CPEB4: variants seen among roughly 807,000 people sequenced by gnomAD.
The protein encoded by CPEB4 is cytoplasmic polyadenylation element-binding protein 4.
Under a neutral mutation model 72.5 loss-of-function variants are expected in CPEB4, and 12 were observed. The ratio of observed to expected loss-of-function variants is 0.17; its 90% CI spans 0.11 to 0.27. CPEB4 has a LOEUF of 0.27. Among genes scored for constraint, CPEB4 ranks in the 10% least tolerant of loss-of-function variants. The pLI is 1.00. For synonymous variants in CPEB4, 302 were observed against 326.3 expected (o/e 0.93, Z 0.80); for missense variants, 614 against 908.5 (o/e 0.68, Z 4.17).
chr5:173,959,525 A>C lies in CPEB4; in HGVS notation c.*3388A>C, dbSNP rs1758483226. The C allele has an allele frequency of 6.5e-6, 1 of 152,782 alleles. No homozygotes were observed. The highest frequency in any genetic ancestry group is 2.4e-5 in the African/African-American group (1 of 41,458). The allele number at this position is 152,782 out of a possible 1,614,324, so 9.5% of individuals were successfully genotyped here. Reference sequence around the variant, plus strand: ...TGATGAATTGTGGCAAGTTAACTTCAAGTTATGTGCAATACTTATTTCAAA... The same window carrying C: ...TGATGAATTGTGGCAAGTTAACTTCCAGTTATGTGCAATACTTATTTCAAA... On this transcript the variant is annotated 3_prime_UTR_variant, in exon 10 of 10. Coordinates refer to ENST00000265085, the MANE Select transcript of CPEB4 (RefSeq NM_030627.4).
At chr5:173,918,699 A>G (rs1378231494) in intron 2 of CPEB4, among the ~76,000 whole-genome samples, 3 of 152,214 alleles carry the variant, frequency 2.0e-5, no homozygotes, top group Non-Finnish European at 2.9e-5. Flanking sequence ...TAGTCAATCG[A>G]AAATAGTGAT....
At chr5:173,915,885 G>GT in intron 2 of CPEB4, among the ~76,000 whole-genome samples, 1 of 152,282 alleles carries the variant, frequency 6.6e-6, no homozygotes, top group Non-Finnish European at 1.5e-5. Context: ...AGATTCATGA[G>GT]TTAGTATTAT....
intron 1 of CPEB4, among the ~76,000 whole-genome samples, chr5:173,897,297 T>G (rs571055919): frequency 6.6e-6 from 1 of 152,360 alleles, no homozygotes; most frequent in South Asian, 2.1e-4. Flanking sequence ...AACATGTGAT[T>G]GCTTTTGCAT....
At chr5:173,953,005 C>A in intron 8 of CPEB4, 86 bp from the exon 9 acceptor site, 1 of 1,021,822 alleles carries the variant, frequency 9.8e-7, no homozygotes, top group Non-Finnish European at 1.5e-6. Context: ...GCTCAGAGTA[C>A]AGATGAATTG....
At chr5:173,951,084 C>T (rs1348586691) in intron 7 of CPEB4, among the ~76,000 whole-genome samples, 4 of 152,114 alleles carry the variant, frequency 2.6e-5, no homozygotes, top group African/African-American at 9.7e-5. Flanking sequence ...TTCCTGTGGT[C>T]TGGACTCTTT....
At chr5:173,947,750 G>A (rs966147070) in intron 5 of CPEB4, among the ~76,000 whole-genome samples, 1 of 152,102 alleles carries the variant, frequency 6.6e-6, no homozygotes, top group African/African-American at 2.4e-5. Flanking sequence ...TTCCTTCACT[G>A]TGAAGACTTA....
chr5:173,911,917 T>C (rs1581125027), intron 2 of CPEB4, among the ~76,000 whole-genome samples: 1 of 152,286 alleles, frequency 6.6e-6, no homozygotes, highest in Non-Finnish European at 1.5e-5. Flanking sequence ...GAGTTTGGCT[T>C]ATCATGTTAC....
chr5:173,920,664 G>A (rs1030038881), intron 2 of CPEB4, among the ~76,000 whole-genome samples: 1 of 152,140 alleles, frequency 6.6e-6, no homozygotes, highest in African/African-American at 2.4e-5. Flanking sequence ...GTAAACGGAG[G>A]GGTTGAACTT....
Position 173,959,570 on chromosome 5 carries a change from G to A in CPEB4, c.*3433G>A, listed in dbSNP as rs1758484870. 1 of 152,740 alleles carries A rather than the reference G, an allele frequency of 6.5e-6. No individual in the cohort carries two copies. Among genetic ancestry groups the A allele is most frequent in the South Asian group, 2.1e-4 (1 of 4,838 alleles). 9.5% of individuals were successfully genotyped at this position (152,740 alleles called of 1,614,324 possible). On this transcript the variant is annotated 3_prime_UTR_variant, in exon 10 of 10. Transcript: ENST00000265085. Reference sequence around the variant, plus strand: ...TTCAAACTTTTGAAAGATCTTTGCAGTGTAATTCTTTGTTTTTAATTGCAG... The same window carrying A: ...TTCAAACTTTTGAAAGATCTTTGCAATGTAATTCTTTGTTTTTAATTGCAG...
chr5:173,961,017 G>A lies in CPEB4; in HGVS notation c.*4880G>A, dbSNP rs1758535259. 6.6e-6 allele frequency: 1 copy of A among 152,152 alleles called. No homozygotes were observed. Among genetic ancestry groups the A allele is most frequent in the Admixed American group, 6.5e-5 (1 of 15,276 alleles). The allele number at this position is 152,152 out of a possible 1,614,324, so 9.4% of individuals were successfully genotyped here. ...TCCTGTTTTGTCAGATTTAATATCT[G>A]TTCTTTCTTGAGTATAGTATTCTCA... On this transcript the variant is annotated 3_prime_UTR_variant, in exon 10 of 10. Transcript: ENST00000265085.
At position 173,888,400 on chromosome 5, in the gene CPEB4, C is replaced by T. The variant is rs895647883; in HGVS notation, c.-1334C>T. Reference sequence around the variant, plus strand: ...CTCAGCCGCGGCTGCGGGACCCGGGCACCGGGAGGCGGTGGCGGCGGCGGC... The same window carrying T: ...CTCAGCCGCGGCTGCGGGACCCGGGTACCGGGAGGCGGTGGCGGCGGCGGC... On this transcript the variant is annotated 5_prime_UTR_variant, in exon 1 of 10. Transcript: ENST00000265085. This position sits in a 1 kb window ranked among gnomAD's most constrained non-coding sequence, Gnocchi z 4.3. The T allele has an allele frequency of 1.1e-5, 5 of 455,022 alleles. No individual in the cohort carries two copies. Among genetic ancestry groups the T allele is most frequent in the Non-Finnish European group, 1.9e-5 (5 of 264,144 alleles). 28.2% of individuals were successfully genotyped at this position (455,022 alleles called of 1,614,324 possible).
intron 4 of CPEB4, among the ~76,000 whole-genome samples, chr5:173,944,137 T>C (rs953372305): frequency 6.6e-6 from 1 of 152,192 alleles, no homozygotes; most frequent in Non-Finnish European, 1.5e-5. Flanking sequence ...TTTTTAGAAA[T>C]AGATAATACC....
chr5:173,905,575 T>C (rs1389929331), intron 1 of CPEB4, among the ~76,000 whole-genome samples: 1 of 152,102 alleles, frequency 6.6e-6, no homozygotes, highest in Non-Finnish European at 1.5e-5. Context: ...CACCTCGGCC[T>C]CCCAAAGTGC....
At chr5:173,914,440 C>G (rs753880003) in intron 2 of CPEB4, among the ~76,000 whole-genome samples, 4 of 152,130 alleles carry the variant, frequency 2.6e-5, no homozygotes, top group Non-Finnish European at 5.9e-5. Context: ...TAGTGCTCTG[C>G]TTCCTTAGAA....
chr5:173,955,928 G>A lies in CPEB4; in HGVS notation c.1981G>A (p.Val661Ile). The change falls in exon 10 of 10, where the codon GTC becomes ATC. Residue 661 changes from valine to isoleucine, a missense_variant. Val to Ile is a conservative substitution (Grantham distance 29). Coordinates refer to ENST00000265085, the MANE Select transcript of CPEB4 (RefSeq NM_030627.4). This position sits in a 1 kb window ranked among gnomAD's most constrained non-coding sequence, Gnocchi z 4.7. The part of the protein sequence containing the change: ...IDKRVEVKPY[V>I]LDDQLCDECQ... ...ATTGCAGGTGGAAGTTAAGCCATAT[G>A]TCTTGGATGATCAGCTGTGTGATGA... 1 of 1,613,914 alleles carries A rather than the reference G, an allele frequency of 6.2e-7. No homozygotes were observed. Among genetic ancestry groups the A allele is most frequent in the Non-Finnish European group, 8.5e-7 (1 of 1,179,834 alleles).
At chr5:173,902,779 T>A (rs1205070388) in intron 1 of CPEB4, among the ~76,000 whole-genome samples, 2 of 152,212 alleles carry the variant, frequency 1.3e-5, no homozygotes, top group Non-Finnish European at 2.9e-5. Flanking sequence ...AATTCATAGA[T>A]GTTTAACAAA....
chr5:173,911,081 T>TAAAAAAAA (rs113653688), intron 2 of CPEB4, among the ~76,000 whole-genome samples: 3 of 150,022 alleles, frequency 2.0e-5, no homozygotes. Context: ...TGTATTATGT[T>TAAAAAAAA]AAAAAAAAAT....
chr5:173,944,332 A>G (rs955480370), intron 4 of CPEB4, among the ~76,000 whole-genome samples: 3 of 152,122 alleles, frequency 2.0e-5, no homozygotes, highest in African/African-American at 7.2e-5. Context: ...TACGTTAGCC[A>G]GATGTCATGG....
chr5:173,931,056 T>G (rs1450107494), intron 2 of CPEB4, among the ~76,000 whole-genome samples: 2 of 152,048 alleles, frequency 1.3e-5, no homozygotes, highest in African/African-American at 4.8e-5. Context: ...ACTTCAAGTT[T>G]TGGATATGGA....
Sources: gnomAD v4.1 joint callset for allele counts (sites outside exome capture counted in the v4.1 genomes callset) on GRCh38, gnomAD v4.1.1 for gene constraint, Gnocchi (gnomAD v3.1) non-coding constraint, MANE v1.5 for transcripts, NCBI Gene and HGNC (gene_info 2026-07-23, HGNC 2026-07-21) for gene names.